Variants in HELZ observed in about 807,000 individuals in gnomAD.
The protein encoded by HELZ is ATP-dependent RNA helicase with zinc finger domain.
HELZ carries 23 observed loss-of-function variants against 218.2 expected under a neutral mutation model. That is an observed-to-expected ratio of 0.11 (90% CI 0.08 to 0.15). HELZ has a LOEUF of 0.15. Among genes scored for constraint, HELZ ranks in the 10% least tolerant of loss-of-function variants. The pLI, the probability that HELZ is intolerant of heterozygous loss-of-function variation, is 1.00. For missense variants in HELZ, 1,813 were observed against 2,353.7 expected (o/e 0.77, Z 4.75); for synonymous variants, 814 against 829.4 (o/e 0.98, Z 0.32).
At chr17:67,245,400 G>C, upstream of HELZ, 1 of 828,036 alleles carries the variant, frequency 1.2e-6, no homozygotes, top group Non-Finnish European at 1.5e-6. Context: ...TTTTTAAAAC[G>C]TGGCTTTGGG....
chr17:67,245,548 G>A (rs1598502458), upstream of HELZ: 1 of 982,236 alleles, frequency 1.0e-6, no homozygotes, highest in Non-Finnish European at 1.2e-6. Context: ...GGCGCGGCGC[G>A]GAGCTGCTCG....
intron 13 of HELZ, 68 bp downstream of exon 13, chr17:67,178,591 T>C: frequency 7.6e-7 from 1 of 1,320,796 alleles, no homozygotes; most frequent in Non-Finnish European, 1.0e-6. Flanking sequence ...CACACTTTCA[T>C]TTTAAAGATT....
At chr17:67,166,391 T>G (rs2039144526) in intron 15 of HELZ, 87 bp downstream of exon 15, 5 of 1,176,664 alleles carry the variant, frequency 4.2e-6, no homozygotes, top group Non-Finnish European at 6.1e-6. Context: ...GCAAACTTTC[T>G]TATAAAAGTA....
intron 27 of HELZ, among the ~76,000 whole-genome samples, chr17:67,118,217 C>T (rs913442521): frequency 6.6e-6 from 1 of 152,182 alleles, no homozygotes. Context: ...ATAGGATCAA[C>T]TGATTTTCAA....
intron 3 of HELZ, among the ~76,000 whole-genome samples, chr17:67,237,161 A>G (rs961061107): frequency 2.0e-5 from 3 of 151,908 alleles, no homozygotes; most frequent in African/African-American, 7.3e-5. Context: ...CCAACATGGC[A>G]AAGTCCCAAG....
chr17:67,099,093 T>A (rs1028504988), intron 31 of HELZ, among the ~76,000 whole-genome samples: 2 of 152,210 alleles, frequency 1.3e-5, no homozygotes, highest in Non-Finnish European at 2.9e-5. Context: ...CTAGGCTGTT[T>A]AAACATACTT....
intron 27 of HELZ, among the ~76,000 whole-genome samples, chr17:67,117,867 T>C (rs2037476837): frequency 6.6e-6 from 1 of 151,738 alleles, no homozygotes; most frequent in Admixed American, 6.6e-5. Flanking sequence ...CTTTTTTTAA[T>C]GCTGAAAAAA....
Position 67,188,362 on chromosome 17 carries a change from T to G in HELZ, c.1119A>C (p.Pro373=). ...CAATCATTACTCTTTGCATGAGTAC[T>G]GGTTCCAATCCAAAGTCGAAAACTA... ...QTIVFDFGLE[P]VLMQRVMIDA... The change falls in exon 12 of 33, where the codon CCA becomes CCC. Residue 373 remains proline, a synonymous_variant. Coordinates refer to ENST00000358691, the MANE Select transcript of HELZ (RefSeq NM_014877.4). The surrounding 1 kb of genome is among the most constrained non-coding windows in gnomAD (Gnocchi z 4.1). The G allele has an allele frequency of 6.2e-7, 1 of 1,613,910 alleles. No homozygotes were observed. The highest frequency in any genetic ancestry group is 1.3e-5 in the African/African-American group (1 of 75,050).
intron 17 of HELZ, among the ~76,000 whole-genome samples, chr17:67,155,779 G>A (rs149914767): frequency 0.011 from 1,635 of 151,760 alleles, 19 homozygotes; most frequent in South Asian, 0.018. Context: ...AGAGGTTGCA[G>A]TGAGCCCAGA....
chr17:67,148,350 T>A (rs530619691), intron 20 of HELZ, among the ~76,000 whole-genome samples: 1 of 152,352 alleles, frequency 6.6e-6, no homozygotes, highest in African/African-American at 2.4e-5. Context: ...AGAACATGAT[T>A]TCAGAGTTTT....
At chr17:67,192,778 C>CTA in intron 9 of HELZ, among the ~76,000 whole-genome samples, 1 of 152,280 alleles carries the variant, frequency 6.6e-6, no homozygotes, top group African/African-American at 2.4e-5. Context: ...AAAAATCCCA[C>CTA]TAGTTACAAG....
intron 9 of HELZ, among the ~76,000 whole-genome samples, chr17:67,191,722 G>C (rs576450445): frequency 2.0e-5 from 3 of 148,772 alleles, no homozygotes; most frequent in African/African-American, 7.4e-5. Context: ...AAAGAGCTGG[G>C]ATTACAGGCA....
At chr17:67,154,408 T>C (rs1335596501) in intron 17 of HELZ, among the ~76,000 whole-genome samples, 4 of 152,172 alleles carry the variant, frequency 2.6e-5, no homozygotes, top group Non-Finnish European at 5.9e-5. Context: ...CAGCCTGGGT[T>C]ACAGAGTGAG....
chr17:67,098,089 A>G (rs1212936196), intron 31 of HELZ, among the ~76,000 whole-genome samples: 1 of 152,162 alleles, frequency 6.6e-6, no homozygotes, highest in Non-Finnish European at 1.5e-5. Flanking sequence ...ATTTTACACA[A>G]CTGAAGATTG....
chr17:67,195,512 C>T (rs764548753), intron 7 of HELZ, 42 bp from the exon 8 acceptor site: 6 of 1,142,766 alleles, frequency 5.3e-6, no homozygotes, highest in African/African-American at 3.0e-5. Flanking sequence ...ACAAGAATAA[C>T]GTTGATGCTG....
intron 13 of HELZ, among the ~76,000 whole-genome samples, chr17:67,174,795 T>C (rs1421693284): frequency 6.6e-6 from 1 of 151,760 alleles, no homozygotes; most frequent in Non-Finnish European, 1.5e-5. Context: ...GAAACTCCAT[T>C]TAAAAGAAAA....
At chr17:67,129,916 A>T (rs1473134758) in intron 23 of HELZ, among the ~76,000 whole-genome samples, 1 of 152,176 alleles carries the variant, frequency 6.6e-6, no homozygotes, top group African/African-American at 2.4e-5. Flanking sequence ...GCTATAAAAG[A>T]TATGTGATAT....
intron 13 of HELZ, among the ~76,000 whole-genome samples, chr17:67,174,321 A>G (rs2039392902): frequency 6.6e-6 from 1 of 152,106 alleles, no homozygotes; most frequent in South Asian, 2.1e-4. Flanking sequence ...GACCATGTAA[A>G]AGGCACAGTC....
At chr17:67,201,225 A>G (rs2143099404) in intron 6 of HELZ, 40 bp from the exon 7 acceptor site, 2 of 1,381,720 alleles carry the variant, frequency 1.4e-6, no homozygotes, top group East Asian at 2.3e-5. Flanking sequence ...CAATTAGTAT[A>G]TTAATTCTTT....
Sources: gnomAD v4.1 joint callset for allele counts (sites outside exome capture counted in the v4.1 genomes callset) on GRCh38, gnomAD v4.1.1 for gene constraint, Gnocchi (gnomAD v3.1) non-coding constraint, MANE v1.5 for transcripts, NCBI Gene and HGNC (gene_info 2026-07-23, HGNC 2026-07-21) for gene names.